The following CHRM3 variants were observed in gnomAD, a reference collection of about 807,000 sequenced individuals.
CHRM3 encodes the protein cholinergic receptor muscarinic 3, also known as muscarinic acetylcholine receptor M3.
In CHRM3, 11 loss-of-function variants were observed where a neutral mutation model predicts 41.8. The observed-to-expected ratio is 0.26, with a 90% confidence interval of 0.17 to 0.44. The LOEUF (loss-of-function observed/expected upper bound fraction) is 0.44. Among genes scored for constraint, CHRM3 ranks in the 20% least tolerant of loss-of-function variants. The pLI, the probability that CHRM3 is intolerant of heterozygous loss-of-function variation, is 1.00. For synonymous variants in CHRM3, 297 were observed against 301.4 expected (o/e 0.99, Z 0.15); for missense variants, 571 against 745.4 (o/e 0.77, Z 2.72).
At chr1:239,543,288 G>C (rs1658959229) in intron 2 of CHRM3, among the ~76,000 whole-genome samples, 1 of 152,114 alleles carries the variant, frequency 6.6e-6, no homozygotes, top group South Asian at 2.1e-4. Flanking sequence ...TGAACTCATT[G>C]CTTGTGCCTC....
chr1:239,431,915 T>C (rs1662864325), intron 1 of CHRM3, among the ~76,000 whole-genome samples: 1 of 152,120 alleles, frequency 6.6e-6, no homozygotes, highest in Non-Finnish European at 1.5e-5. Flanking sequence ...ATCATAGATG[T>C]AATAAGTTGT....
chr1:239,583,280 A>G (rs1180498299), intron 3 of CHRM3, among the ~76,000 whole-genome samples: 1 of 152,212 alleles, frequency 6.6e-6, no homozygotes, highest in Non-Finnish European at 1.5e-5. Context: ...CTTAATTACA[A>G]ATGATTCATT....
chr1:239,571,488 C>T (rs1034674081), intron 3 of CHRM3, among the ~76,000 whole-genome samples: 2 of 152,012 alleles, frequency 1.3e-5, no homozygotes, highest in African/African-American at 4.8e-5. Flanking sequence ...GTAGAGCAGT[C>T]TTGGAGATGC....
chr1:239,506,082 A>T (rs909556332), intron 2 of CHRM3, among the ~76,000 whole-genome samples: 2 of 152,174 alleles, frequency 1.3e-5, no homozygotes, highest in Non-Finnish European at 2.9e-5. Context: ...CAGTTTTATA[A>T]AAGAAACAGA....
chr1:239,414,029 T>G (rs918873098), intron 1 of CHRM3, among the ~76,000 whole-genome samples: 29 of 152,234 alleles, frequency 1.9e-4, no homozygotes, highest in African/African-American at 7.0e-4. Flanking sequence ...ATTTGAGTTT[T>G]AGACTTCGCT....
chr1:239,652,786 T>C (rs1203391792), intron 4 of CHRM3, among the ~76,000 whole-genome samples: 1 of 151,628 alleles, frequency 6.6e-6, no homozygotes, highest in African/African-American at 2.4e-5. Context: ...TCTTCCTTCA[T>C]AGTGTGGGGT....
chr1:239,559,323 A>G (rs1190940790), intron 3 of CHRM3, among the ~76,000 whole-genome samples: 1 of 152,162 alleles, frequency 6.6e-6, no homozygotes, highest in Non-Finnish European at 1.5e-5. Flanking sequence ...GAGAATCTCT[A>G]CAGTGTACTT....
At chr1:239,716,122 A>C (rs767251023) in intron 5 of CHRM3, among the ~76,000 whole-genome samples, 5 of 152,154 alleles carry the variant, frequency 3.3e-5, no homozygotes, top group Non-Finnish European at 7.4e-5. Context: ...GGGTACTAAC[A>C]GGAGGATGTT....
At chr1:239,509,121 A>G (rs2148186955) in intron 2 of CHRM3, among the ~76,000 whole-genome samples, 1 of 152,304 alleles carries the variant, frequency 6.6e-6, no homozygotes, top group South Asian at 2.1e-4. Context: ...TCAAACCACA[A>G]GGTCTTCAGA....
chr1:239,634,097 G>A (rs1045631738), intron 4 of CHRM3, among the ~76,000 whole-genome samples: 5 of 152,242 alleles, frequency 3.3e-5, no homozygotes, highest in Middle Eastern at 3.4e-3. Context: ...GGTGAGATTC[G>A]AACTTGGACC....
At chr1:239,853,832 A>G (rs1489514640) in intron 6 of CHRM3, among the ~76,000 whole-genome samples, 1 of 152,140 alleles carries the variant, frequency 6.6e-6, no homozygotes, top group Non-Finnish European at 1.5e-5. Flanking sequence ...GCCATAAAAA[A>G]TAATTTTTGA....
intron 1 of CHRM3, among the ~76,000 whole-genome samples, chr1:239,418,943 G>A (rs184667039): frequency 6.5e-4 from 99 of 152,314 alleles, no homozygotes; most frequent in Non-Finnish European, 1.1e-3. Context: ...ACAAAATCTA[G>A]TGTGGAGTAA....
At chr1:239,714,071 T>A (rs1662092174) in intron 5 of CHRM3, 1 of 152,200 alleles carries the variant, frequency 6.6e-6, no homozygotes, top group African/African-American at 2.4e-5. Flanking sequence ...GACTTAAAAC[T>A]GCTTTTTGCT....
intron 5 of CHRM3, among the ~76,000 whole-genome samples, chr1:239,799,986 TC>T (rs1263814677): frequency 6.6e-6 from 1 of 152,316 alleles, no homozygotes; most frequent in East Asian, 1.9e-4. Flanking sequence ...ATACATTATT[TC>T]ATTATTTCTT....
chr1:239,422,961 A>G (rs926390390), intron 1 of CHRM3, among the ~76,000 whole-genome samples: 5 of 152,174 alleles, frequency 3.3e-5, no homozygotes, highest in Non-Finnish European at 7.3e-5. Context: ...AAAGAATGAT[A>G]GGAGAGGGCG....
intron 3 of CHRM3, among the ~76,000 whole-genome samples, chr1:239,612,527 T>A (rs1667185657): frequency 6.6e-6 from 1 of 152,180 alleles, no homozygotes; most frequent in South Asian, 2.1e-4. Flanking sequence ...AATCCACAGA[T>A]AAATAGACAC....
intron 1 of CHRM3, among the ~76,000 whole-genome samples, chr1:239,457,156 A>G (rs778417252): frequency 1.3e-5 from 2 of 152,140 alleles, no homozygotes; most frequent in African/African-American, 2.4e-5. Flanking sequence ...TCAGGTCCCT[A>G]TTGGCCCCTT....
chr1:239,714,126 A>T (rs556085506), intron 5 of CHRM3: 1 of 152,134 alleles, frequency 6.6e-6, no homozygotes, highest in Non-Finnish European at 1.5e-5. Context: ...CCATCTGAAG[A>T]ACTTCTGGAA....
At chr1:239,890,139 C>A (rs1678426102) in intron 6 of CHRM3, among the ~76,000 whole-genome samples, 1 of 151,768 alleles carries the variant, frequency 6.6e-6, no homozygotes, top group Non-Finnish European at 1.5e-5. Flanking sequence ...CCGTCTCTAC[C>A]AAAAGTATAA....
Sources: allele counts gnomAD v4.1 joint callset (sites outside exome capture counted in the v4.1 genomes callset), GRCh38; gene constraint gnomAD v4.1.1; transcripts MANE v1.5; gene names NCBI Gene and HGNC (gene_info 2026-07-23, HGNC 2026-07-21).